FNDC1: variants seen among roughly 807,000 people sequenced by gnomAD.
FNDC1 encodes fibronectin type III domain-containing protein 1.
FNDC1 carries 96 observed loss-of-function variants against 168.0 expected under a neutral mutation model. The observed-to-expected ratio is 0.57, with a 90% CI of 0.48 to 0.68. FNDC1 has a LOEUF of 0.68. FNDC1 is among the 30% of genes least tolerant of loss of function. FNDC1 has a pLI of 0.00. For synonymous variants in FNDC1, 1,099 were observed against 1,025.9 expected (o/e 1.07, Z -1.36); for missense variants, 2,587 against 2,482.1 (o/e 1.04, Z -0.90).
Position 159,233,296 on chromosome 6 carries a change from C to A in FNDC1, c.2784C>A (p.Asn928Lys), listed in dbSNP as rs890031830. 6.2e-7 allele frequency: 1 copy of A among 1,613,836 alleles called. No homozygotes were observed. The highest frequency in any genetic ancestry group is 1.7e-5 in the Admixed American group (1 of 60,000). The change falls in exon 11 of 23, where the codon AAC (asparagine) becomes AAA (lysine). Residue 928 changes from asparagine (N) to lysine (K), a missense_variant. Transcript: ENST00000297267. The surrounding 1 kb of genome is among the most constrained non-coding windows in gnomAD (Gnocchi z 4.6). ...SLHRKEPIPENPKSTGADTHP... is the reference protein window; with the variant it reads ...SLHRKEPIPEKPKSTGADTHP... Reference sequence around the variant, plus strand: ...ATCGGAAGGAACCCATCCCAGAGAACCCCAAATCCACAGGGGCAGATACAC... The same window carrying A: ...ATCGGAAGGAACCCATCCCAGAGAAACCCAAATCCACAGGGGCAGATACAC...
At chr6:159,188,369 CTTTTT>C (rs61551779) in intron 1 of FNDC1, among the ~76,000 whole-genome samples, 1 of 128,636 alleles carries the variant, frequency 7.8e-6, no homozygotes, top group Non-Finnish European at 1.7e-5. Flanking sequence ...CAATTTCTTT[CTTTTT>C]TTTTTTTTTT....
rs1292114492 is a variant in FNDC1, at chr6:159,271,682, G to T, written c.*240G>T. The T allele has an allele frequency of 2.4e-6, 1 of 411,058 alleles. No individual in the cohort carries two copies. Among genetic ancestry groups the T allele is most frequent in the South Asian group, 2.6e-5 (1 of 38,724 alleles). 25.5% of individuals were successfully genotyped at this position (411,058 alleles called of 1,614,324 possible). On this transcript the variant is annotated 3_prime_UTR_variant, in exon 23 of 23. Transcript: ENST00000297267. ...TTTGCTTCTCTACTTTTTTTTGTTTGTTTGTAATAGCACATCCCAGAGACA... is the reference window on the plus strand; with the variant it reads ...TTTGCTTCTCTACTTTTTTTTGTTTTTTTGTAATAGCACATCCCAGAGACA...
At chr6:159,245,273 G>A (rs1233584066) in intron 14 of FNDC1, among the ~76,000 whole-genome samples, 1 of 152,090 alleles carries the variant, frequency 6.6e-6, no homozygotes, top group East Asian at 1.9e-4. Context: ...GCTGAGAAGT[G>A]GGTATTTATA....
At chr6:159,212,714 C>T (rs1194565367) in intron 4 of FNDC1, among the ~76,000 whole-genome samples, 1 of 152,138 alleles carries the variant, frequency 6.6e-6, no homozygotes, top group East Asian at 1.9e-4. Flanking sequence ...TTGCTACCTG[C>T]TGAGAATACT....
In FNDC1 at chr6:159,239,843, C is replaced by G. The variant is rs772809340; in HGVS notation, c.4507C>G (p.Pro1503Ala). Residue 1503 changes from proline to alanine, a missense_variant, in exon 14 of 23, where the codon CCC (proline) becomes GCC (alanine). Transcript: ENST00000297267. The part of the protein sequence containing the change: ...TTTRTTTTTT[P>A]TPTTPIPTCP... ...TACGCGGACAACCACCACCACCACC[C>G]CCACACCCACCACTCCCATCCCCAC... 1 of 1,546,108 alleles carries G rather than the reference C, an allele frequency of 6.5e-7. No individual in the cohort carries two copies. The highest frequency in any genetic ancestry group is 1.2e-5 in the South Asian group (1 of 83,750).
chr6:159,251,408 C>T lies in FNDC1; in HGVS notation c.4941C>T (p.Asp1647=). ...VDSLDEIIPN[D]LKKSDLPPQH... is the part of the protein sequence containing the mutation. Reference sequence around the variant, plus strand: ...GCCTGGATGAAATCATCCCCAATGACCTGAAGAAGAGTGACCTGCCTCCCC... The same window carrying T: ...GCCTGGATGAAATCATCCCCAATGATCTGAAGAAGAGTGACCTGCCTCCCC... Residue 1647 remains aspartate, a synonymous_variant, in exon 17 of 23, where the codon GAC becomes GAT. Coordinates refer to ENST00000297267, the MANE Select transcript of FNDC1 (RefSeq NM_032532.3). 6.2e-7 allele frequency: 1 copy of T among 1,613,934 alleles called. No homozygotes were observed. The highest frequency in any genetic ancestry group is 8.5e-7 in the Non-Finnish European group (1 of 1,179,890).
At chr6:159,269,308 C>CTATCTAT (rs1239682200) in intron 22 of FNDC1, among the ~76,000 whole-genome samples, 3 of 78,764 alleles carry the variant, frequency 3.8e-5, no homozygotes, top group Non-Finnish European at 9.7e-5. Flanking sequence ...ATCCATCTAT[C>CTATCTAT]CTATCTATTT....
Position 159,266,042 on chromosome 6 carries a change from G to A in FNDC1, c.5285-42G>A, listed in dbSNP as rs1777585520. 4 of 1,603,994 alleles carry A rather than the reference G, an allele frequency of 2.5e-6. No homozygotes were observed. In the South Asian group the frequency reaches 4.4e-5, roughly 18 times the overall value. On this transcript the variant is annotated intron_variant, in intron 20 of 22. Coordinates refer to ENST00000297267, the MANE Select transcript of FNDC1 (RefSeq NM_032532.3). ...GGCACTTTGTGTGAGAAGACACACT[G>A]TGGAGTGCTTACCCTTAGCAGGTGT...
intron 1 of FNDC1, among the ~76,000 whole-genome samples, chr6:159,180,981 T>G (rs953482710): frequency 6.6e-6 from 1 of 152,212 alleles, no homozygotes; most frequent in Non-Finnish European, 1.5e-5. Flanking sequence ...ATTTATATTC[T>G]TTTGGATATA....
intron 1 of FNDC1, among the ~76,000 whole-genome samples, chr6:159,182,535 T>C (rs1781903512): frequency 6.6e-6 from 1 of 152,236 alleles, no homozygotes. Flanking sequence ...TCCTTTCCCC[T>C]GGGCCCTGAT....
Position 159,233,589 on chromosome 6 carries a change from G to T in FNDC1, c.3077G>T (p.Arg1026Leu). Residue 1026 changes from arginine to leucine, a missense_variant, in exon 11 of 23, where the codon CGG becomes CTG. Coordinates refer to ENST00000297267, the MANE Select transcript of FNDC1 (RefSeq NM_032532.3). This position sits in a 1 kb window ranked among gnomAD's most constrained non-coding sequence, Gnocchi z 4.6. Reference protein sequence around the residue: ...HPGPQSRDAGRSPSQPRLSLT... With the variant: ...HPGPQSRDAGLSPSQPRLSLT... ...GGACCCCAGAGCAGAGACGCGGGTC[G>T]GTCACCTTCCCAGCCCAGGCTCTCA... The T allele has an allele frequency of 6.3e-7, 1 of 1,582,156 alleles. No individual in the cohort carries two copies. Among genetic ancestry groups the T allele is most frequent in the East Asian group, 2.3e-5 (1 of 43,252 alleles).
chr6:159,240,282 G>T (rs752403729), intron 14 of FNDC1, among the ~76,000 whole-genome samples: 2 of 152,210 alleles, frequency 1.3e-5, no homozygotes, highest in Non-Finnish European at 2.9e-5. Flanking sequence ...GCTGAAACTT[G>T]TGACATTATT....
chr6:159,233,299 C>CA lies in FNDC1; in HGVS notation c.2790dup (p.Ser931IlefsTer259), dbSNP rs35675662. Reference sequence around the variant, plus strand: ...GGAAGGAACCCATCCCAGAGAACCCCAAATCCACAGGGGCAGATACACATC... The same window carrying CA: ...GGAAGGAACCCATCCCAGAGAACCCCAAAATCCACAGGGGCAGATACACATC... On this transcript the variant is annotated frameshift_variant, in exon 11 of 23. Transcript: ENST00000297267. LOFTEE classifies it high-confidence loss of function. The surrounding 1 kb of genome is among the most constrained non-coding windows in gnomAD (Gnocchi z 4.6). 1 of 1,613,844 alleles carries CA rather than the reference C, an allele frequency of 6.2e-7. No individual in the cohort carries two copies. Among genetic ancestry groups the CA allele is most frequent in the Non-Finnish European group, 8.5e-7 (1 of 1,179,872 alleles).
intron 14 of FNDC1, among the ~76,000 whole-genome samples, chr6:159,244,641 C>A (rs1213247273): frequency 6.6e-6 from 1 of 152,212 alleles, no homozygotes; most frequent in African/African-American, 2.4e-5. Flanking sequence ...TCAATTTCCC[C>A]TTAATTACAC....
chr6:159,233,809 C>G lies in FNDC1; in HGVS notation c.3297C>G (p.Arg1099=), dbSNP rs1274475166. The G allele has an allele frequency of 4.6e-6, 7 of 1,538,436 alleles. No individual in the cohort carries two copies. The highest frequency in any genetic ancestry group is 6.1e-6 in the Non-Finnish European group (7 of 1,141,780). ...QDVRAPAHAA[R]AKEAAASLPK... is the part of the protein sequence containing the mutation. ...TGCGGGCCCCCGCGCACGCCGCGCG[C>G]GCCAAGGAGGCAGCTGCGTCCCTTC... The change falls in exon 11 of 23, where the codon CGC becomes CGG. Residue 1099 remains arginine (R), a synonymous_variant. Coordinates refer to ENST00000297267, the MANE Select transcript of FNDC1 (RefSeq NM_032532.3). The surrounding 1 kb of genome is among the most constrained non-coding windows in gnomAD (Gnocchi z 4.6).
Position 159,271,550 on chromosome 6 carries a change from T to A in FNDC1, c.*108T>A. 1 of 816,550 alleles carries A rather than the reference T, an allele frequency of 1.2e-6. No individual in the cohort carries two copies. Among genetic ancestry groups the A allele is most frequent in the Non-Finnish European group, 2.0e-6 (1 of 489,654 alleles). The allele number at this position is 816,550 out of a possible 1,614,324, so 50.6% of individuals were successfully genotyped here. Reference sequence around the variant, plus strand: ...GCGTGCTCAGCCCCGCTGCCCTAGGTGCCAGGAAGGTCATAGATGGACACT... The same window carrying A: ...GCGTGCTCAGCCCCGCTGCCCTAGGAGCCAGGAAGGTCATAGATGGACACT... On this transcript the variant is annotated 3_prime_UTR_variant, in exon 23 of 23. Coordinates refer to ENST00000297267, the MANE Select transcript of FNDC1 (RefSeq NM_032532.3).
At position 159,260,980 on chromosome 6, in the gene FNDC1, C is replaced by G. The variant is rs1424007309; in HGVS notation, c.5175-210C>G. On this transcript the variant is annotated intron_variant, in intron 18 of 22. Coordinates refer to ENST00000297267, the MANE Select transcript of FNDC1 (RefSeq NM_032532.3). ...CTTCTACTGCCATTAGCCATGTGTC[C>G]CTGCTATGTTAATTGTATTATTTAG... 2.6e-5 allele frequency among the ~76,000 whole-genome samples: 4 copies of G among 152,108 alleles called. No individual in the cohort carries two copies. The East Asian group carries it at 7.7e-4, about 29-fold the overall frequency.
chr6:159,249,968 A>G (rs1020320942), intron 16 of FNDC1, among the ~76,000 whole-genome samples: 18 of 152,200 alleles, frequency 1.2e-4, no homozygotes, highest in Non-Finnish European at 5.9e-5. Context: ...CAAGAATATT[A>G]ATTTGAGGTG....
chr6:159,259,204 A>T (rs946700595), intron 18 of FNDC1, among the ~76,000 whole-genome samples: 1 of 152,238 alleles, frequency 6.6e-6, no homozygotes, highest in Non-Finnish European at 1.5e-5. Flanking sequence ...ACTTTAGCCC[A>T]TCAAAAAAGT....
Sources: allele counts gnomAD v4.1 joint callset (sites outside exome capture counted in the v4.1 genomes callset), GRCh38; gene constraint gnomAD v4.1.1; non-coding constraint Gnocchi (gnomAD v3.1); transcripts MANE v1.5; gene names NCBI Gene and HGNC (gene_info 2026-07-23, HGNC 2026-07-21).